WWC1: variants seen among roughly 807,000 people sequenced by gnomAD.
WWC1 encodes protein KIBRA.
A neutral mutation model predicts 138.4 loss-of-function variants in WWC1; 55 were observed. That is an observed-to-expected ratio of 0.40 (90% CI 0.32 to 0.50). WWC1 has a LOEUF of 0.50. Ranked by LOEUF, WWC1 falls within the 20% of genes least tolerant of loss-of-function variation. The pLI, the probability that WWC1 is intolerant of heterozygous loss-of-function variation, is 0.72. For missense variants in WWC1, 1,226 were observed against 1,420.4 expected (o/e 0.86, Z 2.20); for synonymous variants, 524 against 564.9 (o/e 0.93, Z 1.03).
intron 15 of WWC1, among the ~76,000 whole-genome samples, chr5:168,433,404 C>A (rs1442226961): frequency 6.6e-6 from 1 of 152,216 alleles, no homozygotes; most frequent in East Asian, 1.9e-4. Flanking sequence ...CACTGGATAT[C>A]GGTTCCCATC....
intron 1 of WWC1, among the ~76,000 whole-genome samples, chr5:168,334,602 T>C (rs1241431528): frequency 6.6e-6 from 1 of 152,106 alleles, no homozygotes; most frequent in Non-Finnish European, 1.5e-5. Context: ...CTTTGTAGAA[T>C]TGCCCAAATT....
chr5:168,337,714 G>C (rs1383371552), intron 1 of WWC1, among the ~76,000 whole-genome samples: 2 of 152,186 alleles, frequency 1.3e-5, no homozygotes, highest in African/African-American at 4.8e-5. Flanking sequence ...AAGAAAGAAA[G>C]AAATGCATCA....
chr5:168,465,267 C>T (rs951705707), intron 21 of WWC1, among the ~76,000 whole-genome samples: 35 of 152,160 alleles, frequency 2.3e-4, no homozygotes, highest in African/African-American at 8.2e-4. Flanking sequence ...TCATGAAATA[C>T]GTAGGGTACC....
chr5:168,294,375 G>T (rs1199033155), intron 1 of WWC1, among the ~76,000 whole-genome samples: 1 of 152,026 alleles, frequency 6.6e-6, no homozygotes, highest in African/African-American at 2.4e-5. Context: ...TGGGAAACTA[G>T]TTATATCTAT....
At chr5:168,435,916 C>T (rs1332083546) in intron 15 of WWC1, among the ~76,000 whole-genome samples, 3 of 151,854 alleles carry the variant, frequency 2.0e-5, no homozygotes, top group African/African-American at 7.3e-5. Flanking sequence ...GATCTTGGCT[C>T]ACTGCAACCT....
intron 17 of WWC1, among the ~76,000 whole-genome samples, chr5:168,445,766 G>A (rs940334898): frequency 2.0e-5 from 3 of 150,748 alleles, no homozygotes; most frequent in African/African-American, 7.3e-5. Context: ...TCAGCCCCAT[G>A]GTGTTACTGG....
chr5:168,304,689 G>T (rs1185345356), intron 1 of WWC1, among the ~76,000 whole-genome samples: 3 of 152,276 alleles, frequency 2.0e-5, no homozygotes, highest in African/African-American at 7.2e-5. Context: ...ACTCAAGTCT[G>T]TAAACCACTG....
chr5:168,412,936 C>G (rs1436319662), intron 8 of WWC1, among the ~76,000 whole-genome samples: 1 of 151,994 alleles, frequency 6.6e-6, no homozygotes, highest in East Asian at 1.9e-4. Context: ...GGAACCAATC[C>G]CCTGCAGATA....
intron 1 of WWC1, among the ~76,000 whole-genome samples, chr5:168,297,551 G>A (rs1170593426): frequency 2.6e-5 from 4 of 151,316 alleles, no homozygotes; most frequent in South Asian, 2.1e-4. Context: ...GCTTGAATCC[G>A]GGAGGTGGAG....
chr5:168,423,149 C>CAA (rs773855632), intron 10 of WWC1, among the ~76,000 whole-genome samples: 906 of 70,872 alleles, frequency 0.013, 5 homozygotes, highest in African/African-American at 0.028. Flanking sequence ...CATCCCCCCC[C>CAA]AAAAAAAAAA....
intron 1 of WWC1, among the ~76,000 whole-genome samples, chr5:168,293,883 A>T (rs1342226584): frequency 6.6e-6 from 1 of 152,064 alleles, no homozygotes; most frequent in Non-Finnish European, 1.5e-5. Flanking sequence ...TAACCTGCAA[A>T]CTTGTCACCC....
intron 1 of WWC1, among the ~76,000 whole-genome samples, chr5:168,298,071 C>T (rs947322450): frequency 6.6e-6 from 1 of 152,062 alleles, no homozygotes; most frequent in African/African-American, 2.4e-5. Flanking sequence ...CTGAGTCTTG[C>T]TCAGTCACCC....
chr5:168,423,247 T>C (rs1191407373), intron 10 of WWC1, among the ~76,000 whole-genome samples: 3 of 150,834 alleles, frequency 2.0e-5, no homozygotes, highest in African/African-American at 7.3e-5. Context: ...AAACATATCA[T>C]ACAAATGCAA....
chr5:168,377,124 C>A (rs995688149), intron 2 of WWC1, among the ~76,000 whole-genome samples: 1 of 152,060 alleles, frequency 6.6e-6, no homozygotes, highest in Non-Finnish European at 1.5e-5. Context: ...AGAATAAAGC[C>A]GCACACCTAC....
At chr5:168,313,590 A>C (rs1771312381) in intron 1 of WWC1, among the ~76,000 whole-genome samples, 1 of 151,428 alleles carries the variant, frequency 6.6e-6, no homozygotes, top group Non-Finnish European at 1.5e-5. Context: ...GACTGTCTCA[A>C]AAACGAAAAA....
intron 16 of WWC1, among the ~76,000 whole-genome samples, chr5:168,443,129 T>C (rs758837024): frequency 2.6e-5 from 4 of 152,208 alleles, no homozygotes; most frequent in East Asian, 1.9e-4. Flanking sequence ...TCATCTGTAA[T>C]GATCCTTCCC....
intron 1 of WWC1, among the ~76,000 whole-genome samples, chr5:168,308,966 T>C (rs960754613): frequency 1.3e-5 from 2 of 152,102 alleles, no homozygotes; most frequent in Non-Finnish European, 2.9e-5. Context: ...CTGAAGAACA[T>C]AGAAGAGTCC....
chr5:168,336,890 G>A (rs1240108747), intron 1 of WWC1, among the ~76,000 whole-genome samples: 1 of 152,196 alleles, frequency 6.6e-6, no homozygotes, highest in African/African-American at 2.4e-5. Flanking sequence ...CCTATTGCAT[G>A]TGGAGAAAGT....
intron 1 of WWC1, among the ~76,000 whole-genome samples, chr5:168,354,945 G>A (rs983132472): frequency 6.6e-6 from 1 of 152,116 alleles, no homozygotes; most frequent in Non-Finnish European, 1.5e-5. Flanking sequence ...GACCAAAAAC[G>A]CCCCCAAAGT....
Sources: gnomAD v4.1 joint callset for allele counts (sites outside exome capture counted in the v4.1 genomes callset) on GRCh38, gnomAD v4.1.1 for gene constraint, MANE v1.5 for transcripts, NCBI Gene and HGNC (gene_info 2026-07-23, HGNC 2026-07-21) for gene names.